The following ABLIM1 variants were observed in gnomAD, a reference collection of about 807,000 sequenced individuals.
ABLIM1 encodes actin-binding LIM protein 1.
A neutral mutation model predicts 107.0 loss-of-function variants in ABLIM1; 40 were observed. That is an observed-to-expected ratio of 0.37 (90% CI 0.29 to 0.49). The LOEUF is 0.49. Ranked by LOEUF, ABLIM1 falls within the 20% of genes least tolerant of loss-of-function variation. The pLI, the probability that ABLIM1 is intolerant of heterozygous loss-of-function variation, is 0.97. For missense variants in ABLIM1, 857 were observed against 1,008.5 expected, an observed-to-expected ratio of 0.85 and a Z score of 2.04; for synonymous variants, 357 against 357.3, an observed-to-expected ratio of 1.00 and a Z score of 0.01.
intron 7 of ABLIM1, among the ~76,000 whole-genome samples, chr10:114,488,230 A>T (rs902593131): frequency 6.6e-6 from 1 of 152,176 alleles, no homozygotes; most frequent in Non-Finnish European, 1.5e-5. Flanking sequence ...GATAAAGGTC[A>T]TAATTCTAGA....
the ABLIM1 span, among the ~76,000 whole-genome samples, chr10:114,798,565 C>CCG: frequency 4.1e-5 from 6 of 146,900 alleles, 1 homozygote; most frequent in Admixed American, 1.3e-4. Flanking sequence ...GACCCCCCCC[C>CCG]CATGTCTACA....
chr10:114,636,758 C>T (rs1371890855), intron 1 of ABLIM1, among the ~76,000 whole-genome samples: 8 of 152,030 alleles, frequency 5.3e-5, no homozygotes, highest in African/African-American at 1.9e-4. Context: ...CAAGGCTCGG[C>T]GCAGTGGTGC....
intron 1 of ABLIM1, among the ~76,000 whole-genome samples, chr10:114,715,198 A>G (rs1174998857): frequency 1.3e-5 from 2 of 152,324 alleles, no homozygotes; most frequent in African/African-American, 4.8e-5. Flanking sequence ...GATTTCCCAG[A>G]CAGGCTAAGG....
intron 1 of ABLIM1, among the ~76,000 whole-genome samples, chr10:114,700,177 A>T (rs2081280094): frequency 6.6e-6 from 1 of 152,226 alleles, no homozygotes; most frequent in African/African-American, 2.4e-5. Flanking sequence ...AAGTTAATTC[A>T]TTACATATGA....
At chr10:114,461,834 T>TA (rs1261440063) in intron 12 of ABLIM1, among the ~76,000 whole-genome samples, 1 of 151,688 alleles carries the variant, frequency 6.6e-6, no homozygotes, top group Non-Finnish European at 1.5e-5. Context: ...AAATAAAAAA[T>TA]AAAAAAATAA....
the ABLIM1 span, among the ~76,000 whole-genome samples, chr10:114,794,432 A>G: frequency 6.7e-6 from 1 of 150,248 alleles, no homozygotes; most frequent in South Asian, 2.1e-4. Flanking sequence ...AGTTTTGCTG[A>G]ATGAATGAAT....
At chr10:114,595,775 C>T (rs2139761802) in intron 2 of ABLIM1, among the ~76,000 whole-genome samples, 1 of 152,328 alleles carries the variant, frequency 6.6e-6, no homozygotes, top group East Asian at 1.9e-4. Flanking sequence ...TTAGGTTCTC[C>T]TTCCTTCAGA....
At chr10:114,501,338 T>A (rs538506748) in intron 6 of ABLIM1, among the ~76,000 whole-genome samples, 1 of 152,230 alleles carries the variant, frequency 6.6e-6, no homozygotes, top group South Asian at 2.1e-4. Flanking sequence ...AGAGCCAATG[T>A]TGTTTTCCCA....
chr10:114,778,647 C>T, the ABLIM1 span: 3 of 151,388 alleles, frequency 2.0e-5, no homozygotes, highest in African/African-American at 7.3e-5. Context: ...CTTGTAGTTC[C>T]CCTAAATGAA....
intron 6 of ABLIM1, among the ~76,000 whole-genome samples, chr10:114,524,490 A>C (rs998634308): frequency 6.6e-6 from 1 of 152,190 alleles, no homozygotes; most frequent in Non-Finnish European, 1.5e-5. Context: ...GAAAAGAAAA[A>C]AGAAATGAAA....
intron 7 of ABLIM1, among the ~76,000 whole-genome samples, chr10:114,489,029 TC>T (rs202136405): frequency 1.4e-4 from 22 of 151,782 alleles, no homozygotes; most frequent in Admixed American, 5.9e-4. Flanking sequence ...CATTTTTTTT[TC>T]TTTTGAGACA....
intron 9 of ABLIM1, among the ~76,000 whole-genome samples, chr10:114,473,428 TCAAA>T (rs1271566454): frequency 3.3e-5 from 5 of 152,270 alleles, no homozygotes; most frequent in African/African-American, 9.6e-5. Context: ...AGGAAAAAGC[TCAAA>T]CAGATGGTCC....
chr10:114,756,463 C>T (rs2082632506), intron 1 of ABLIM1, among the ~76,000 whole-genome samples: 1 of 152,004 alleles, frequency 6.6e-6, no homozygotes, highest in Admixed American at 6.6e-5. Flanking sequence ...GCCATTTTAA[C>T]TGCAATTTTA....
At chr10:114,598,195 A>G (rs1591492557) in intron 2 of ABLIM1, among the ~76,000 whole-genome samples, 1 of 140,440 alleles carries the variant, frequency 7.1e-6, no homozygotes, top group Admixed American at 7.9e-5. Context: ...AATCGCTTGA[A>G]CCCGGAAGGC....
At chr10:114,661,364 C>G (rs2079789834), upstream of ABLIM1, among the ~76,000 whole-genome samples, 1 of 152,200 alleles carries the variant, frequency 6.6e-6, no homozygotes, top group Non-Finnish European at 1.5e-5. Flanking sequence ...AACTAAGTTC[C>G]ACTCCCCAAG....
At chr10:114,594,432 C>T (rs2075216646) in intron 2 of ABLIM1, among the ~76,000 whole-genome samples, 1 of 152,176 alleles carries the variant, frequency 6.6e-6, no homozygotes, top group Admixed American at 6.5e-5. Context: ...ATTGATAAAT[C>T]TTTGTGACTA....
At chr10:114,710,289 C>G (rs1338284174) in intron 1 of ABLIM1, among the ~76,000 whole-genome samples, 1 of 152,128 alleles carries the variant, frequency 6.6e-6, no homozygotes, top group East Asian at 1.9e-4. Flanking sequence ...AAGACATACC[C>G]AAAATTGGGT....
chr10:114,450,618 T>G (rs932370334), intron 14 of ABLIM1, among the ~76,000 whole-genome samples: 1 of 143,264 alleles, frequency 7.0e-6, no homozygotes, highest in African/African-American at 2.8e-5. Flanking sequence ...TTGGTATTTT[T>G]AATAGAGGAG....
At chr10:114,575,672 T>C in intron 2 of ABLIM1, 73 bp from the exon 3 acceptor site, 4 of 1,471,480 alleles carry the variant, frequency 2.7e-6, no homozygotes, top group Non-Finnish European at 3.7e-6. Context: ...GAGTGAATAC[T>C]GACTGGTTGC....
Sources: gnomAD v4.1 joint callset for allele counts (sites outside exome capture counted in the v4.1 genomes callset) on GRCh38, gnomAD v4.1.1 for gene constraint, MANE v1.5 for transcripts, NCBI Gene and HGNC (gene_info 2026-07-23, HGNC 2026-07-21) for gene names.